Variants in BACE2 observed in about 807,000 individuals in gnomAD.
BACE2 encodes beta-secretase 2, also known as 56 kDa aspartic-like protease.
A neutral mutation model predicts 46.2 loss-of-function variants in BACE2; 17 were observed. The observed-to-expected ratio is 0.37, with a 90% confidence interval of 0.25 to 0.55. BACE2 has a LOEUF of 0.55. BACE2 is among the 20% of genes least tolerant of loss of function. BACE2 has a pLI of 0.82. For synonymous variants in BACE2, 277 were observed against 295.9 expected (o/e 0.94, Z 0.66); for missense variants, 595 against 698.1 (o/e 0.85, Z 1.66).
intron 1 of BACE2, among the ~76,000 whole-genome samples, chr21:41,201,654 C>T (rs73902950): frequency 0.025 from 3,821 of 152,282 alleles, 159 homozygotes; most frequent in African/African-American, 0.085. Context: ...AGCCAAGAGG[C>T]GCAACGCACA....
intron 8 of BACE2, among the ~76,000 whole-genome samples, chr21:41,267,706 G>T (rs2088392619): frequency 6.6e-6 from 1 of 152,134 alleles, no homozygotes; most frequent in Non-Finnish European, 1.5e-5. Flanking sequence ...GGACCCCAAA[G>T]GTGTAGATCA....
At chr21:41,199,169 G>A (rs946075304) in intron 1 of BACE2, among the ~76,000 whole-genome samples, 4 of 151,856 alleles carry the variant, frequency 2.6e-5, no homozygotes, top group East Asian at 3.9e-4. Context: ...ATGGTTCACC[G>A]CCTTCTTTTT....
At chr21:41,201,956 A>T (rs543336564) in intron 1 of BACE2, among the ~76,000 whole-genome samples, 6 of 152,248 alleles carry the variant, frequency 3.9e-5, no homozygotes, top group Non-Finnish European at 5.9e-5. Context: ...AATGCTAACC[A>T]CTGGAGGCCT....
In BACE2 at chr21:41,257,244, C is replaced by A. The variant is rs749978923; in HGVS notation, c.1221C>A (p.Ile407=). ...CCCCATCCACAAATGCGCTGGTGAT[C>A]GGTGCCACGGTGATGGAGGGCTTCT... The part of the protein sequence containing the change: ...GISPSTNALV[I]GATVMEGFYV... Residue 407 remains isoleucine, a synonymous_variant, in exon 8 of 9, where the codon ATC becomes ATA. Transcript: ENST00000330333. 5 of 1,614,044 alleles carry A rather than the reference C, an allele frequency of 3.1e-6. No individual in the cohort carries two copies. Among genetic ancestry groups the A allele is most frequent in the Non-Finnish European group, 4.2e-6 (5 of 1,180,036 alleles).
intron 2 of BACE2, among the ~76,000 whole-genome samples, chr21:41,234,406 G>A (rs1488983662): frequency 6.6e-6 from 1 of 152,182 alleles, no homozygotes; most frequent in African/African-American, 2.4e-5. Flanking sequence ...CCTGCTGCCT[G>A]TTTTAGTAAA....
chr21:41,184,559 T>C, intron 1 of BACE2: 6 of 167,260 alleles, frequency 3.6e-5, no homozygotes. Flanking sequence ...GACACAGGCT[T>C]GACCTTAGGG....
At chr21:41,229,593 A>G (rs1986917551) in intron 2 of BACE2, among the ~76,000 whole-genome samples, 1 of 152,186 alleles carries the variant, frequency 6.6e-6, no homozygotes, top group South Asian at 2.1e-4. Flanking sequence ...GGTAAATAAT[A>G]CTCTGCATTA....
Position 41,276,912 on chromosome 21 carries a change from A to ATT in BACE2, c.*1290_*1291dup, listed in dbSNP as rs2088495771. 1 of 152,132 alleles carries ATT rather than the reference A, an allele frequency of 6.6e-6. No individual in the cohort carries two copies. The highest frequency in any genetic ancestry group is 2.1e-4 in the South Asian group (1 of 4,830). The allele number at this position is 152,132 out of a possible 1,614,324, so 9.4% of individuals were successfully genotyped here. ...GTAACAGTTGTGCAGTGGTAGCCTT[A>ATT]TTTCGGGGGGCAGTCCCTACTTTCT... is the stretch of plus-strand genomic sequence containing the variant. On this transcript the variant is annotated 3_prime_UTR_variant, in exon 9 of 9. Coordinates refer to ENST00000330333, the MANE Select transcript of BACE2 (RefSeq NM_012105.5).
intron 1 of BACE2, among the ~76,000 whole-genome samples, chr21:41,190,360 C>A (rs184136598): frequency 1.3e-5 from 2 of 152,246 alleles, no homozygotes; most frequent in African/African-American, 4.8e-5. Context: ...ATAAAGTTAA[C>A]AATACTTAAA....
rs1031005807 is a variant in BACE2 at position 41,183,563 on chromosome 21, A to G, written c.312+14988A>G. 3 of 166,924 alleles carry G rather than the reference A, an allele frequency of 1.8e-5. No individual in the cohort carries two copies. The Admixed American group carries it at 2.0e-4, about 11-fold the overall frequency. 10.3% of individuals were successfully genotyped at this position (166,924 alleles called of 1,614,324 possible). The stretch of plus-strand genomic sequence containing the variant: ...AGGAAAAGGCAGGACAGGGAATCCC[A>G]TAGCATCAACTAAAAAGGGGAGGAA... On this transcript the variant is annotated intron_variant, in intron 1 of 8. Transcript: ENST00000330333.
intron 8 of BACE2, among the ~76,000 whole-genome samples, chr21:41,268,694 T>C (rs2123647151): frequency 6.6e-6 from 1 of 152,290 alleles, no homozygotes; most frequent in African/African-American, 2.4e-5. Flanking sequence ...GCTACTATCA[T>C]GCCTATAAAT....
chr21:41,179,784 T>A, intron 1 of BACE2: 1 of 599,622 alleles, frequency 1.7e-6, no homozygotes, highest in Non-Finnish European at 2.7e-6. Context: ...CCACAGAGAC[T>A]ATTGTGTGTT....
intron 1 of BACE2, among the ~76,000 whole-genome samples, chr21:41,169,690 A>G (rs1254233043): frequency 6.6e-6 from 1 of 152,244 alleles, no homozygotes; most frequent in Non-Finnish European, 1.5e-5. Flanking sequence ...AAGACATGCC[A>G]TGCTAATTCT....
At chr21:41,182,512 C>G (rs1985170595) in intron 1 of BACE2, 1 of 166,782 alleles carries the variant, frequency 6.0e-6, no homozygotes, top group African/African-American at 2.4e-5. Flanking sequence ...TGAACCTGTC[C>G]TAAATTCTAA....
At chr21:41,216,473 A>G (rs1479952346) in intron 1 of BACE2, among the ~76,000 whole-genome samples, 5 of 152,260 alleles carry the variant, frequency 3.3e-5, no homozygotes, top group Non-Finnish European at 5.9e-5. Context: ...TGCCTGGGCA[A>G]TGAGAAGAAA....
chr21:41,216,474 T>C (rs1028310781), intron 1 of BACE2, among the ~76,000 whole-genome samples: 1 of 152,232 alleles, frequency 6.6e-6, no homozygotes, highest in Non-Finnish European at 1.5e-5. Context: ...GCCTGGGCAA[T>C]GAGAAGAAAT....
At chr21:41,269,935 C>T (rs2088417967) in intron 8 of BACE2, among the ~76,000 whole-genome samples, 1 of 152,180 alleles carries the variant, frequency 6.6e-6, no homozygotes, top group Non-Finnish European at 1.5e-5. Flanking sequence ...TCAAAGTTGG[C>T]TTTATCATGT....
rs370287070 is a variant in BACE2 at position 41,275,464 on chromosome 21, C to G, written c.1397C>G (p.Pro466Arg). 8.7e-5 allele frequency: 141 copies of G among 1,613,998 alleles called. No homozygotes were observed. The highest frequency in any genetic ancestry group is 1.1e-4 in the Non-Finnish European group (134 of 1,180,030). The change falls in exon 9 of 9, where the codon CCC becomes CGC. Residue 466 changes from proline to arginine, a missense_variant. By Grantham distance (103) the Pro-to-Arg change is moderately radical (BLOSUM62 -2). Around this residue, in one of 3 missense-constraint regions of BACE2, gnomAD observed 343 missense variants for 419.4 expected, o/e 0.82. Coordinates refer to ENST00000330333, the MANE Select transcript of BACE2 (RefSeq NM_012105.5). ...NCVPAQSLSEPILWIVSYALM... is the reference protein window; with the variant it reads ...NCVPAQSLSERILWIVSYALM... Reference sequence around the variant, plus strand: ...GTCCCCGCTCAGTCTTTGAGCGAGCCCATTTTGTGGATTGTGTCCTATGCG... The same window carrying G: ...GTCCCCGCTCAGTCTTTGAGCGAGCGCATTTTGTGGATTGTGTCCTATGCG...
chr21:41,234,649 G>A (rs1987062938), intron 2 of BACE2, among the ~76,000 whole-genome samples: 1 of 152,168 alleles, frequency 6.6e-6, no homozygotes, highest in South Asian at 2.1e-4. Flanking sequence ...CTGAACTTGA[G>A]GAATGAACCC....
Sources: gnomAD v4.1 joint callset for allele counts (sites outside exome capture counted in the v4.1 genomes callset) on GRCh38, gnomAD v4.1.1 for gene constraint, gnomAD v4.1.1 regional missense constraint, MANE v1.5 for transcripts, NCBI Gene and HGNC (gene_info 2026-07-23, HGNC 2026-07-21) for gene names.